CUL3: variants seen among roughly 807,000 people sequenced by gnomAD.
CUL3 encodes the protein cullin-3.
CUL3 carries 19 observed loss-of-function variants against 89.1 expected under a neutral mutation model. That is an observed-to-expected ratio of 0.21 (90% confidence interval 0.15 to 0.31). CUL3 has a LOEUF of 0.31. Among genes scored for constraint, CUL3 ranks in the 10% least tolerant of loss-of-function variants. The probability of loss-of-function intolerance (pLI) is 1.00; values close to 1 mark genes in which losing one functional copy is unlikely to be tolerated. For synonymous variants in CUL3, 351 were observed against 308.4 expected, an observed-to-expected ratio of 1.14 and a Z score of -1.45; for missense variants, 469 against 942.3, an observed-to-expected ratio of 0.50 and a Z score of 6.58.
intron 2 of CUL3, among the ~76,000 whole-genome samples, chr2:224,539,350 G>A (rs765104875): frequency 2.8e-4 from 42 of 152,202 alleles, no homozygotes; most frequent in Non-Finnish European, 4.8e-4. Flanking sequence ...TACACTGCCA[G>A]TGGGAATGTA....
rs1365715412 is a variant in CUL3 at position 224,513,556 on chromosome 2, G to T, written c.622C>A (p.Pro208Thr). Reference protein sequence around the residue: ...RSVYEEDFEAPFLEMSAEFFQ... With the variant: ...RSVYEEDFEATFLEMSAEFFQ... ...AATTCTGCAGACATTTCCAAAAAAG[G>T]AGCCTCAAAATCTTCTTCATAGACT... The change falls in exon 5 of 16, where the codon CCT becomes ACT. Residue 208 changes from proline to threonine, a missense_variant. Pro to Thr is a conservative substitution (Grantham distance 38). Transcript: ENST00000264414. 4.4e-6 allele frequency: 7 copies of T among 1,596,840 alleles called. No individual in the cohort carries two copies. Among genetic ancestry groups the T allele is most frequent in the Non-Finnish European group, 6.0e-6 (7 of 1,175,142 alleles).
chr2:224,557,007 C>T (rs994162266), intron 2 of CUL3, among the ~76,000 whole-genome samples: 4 of 151,968 alleles, frequency 2.6e-5, no homozygotes, highest in Non-Finnish European at 5.9e-5. Flanking sequence ...AAGTTTTTAT[C>T]AGTCTGTGTG....
intron 3 of CUL3, among the ~76,000 whole-genome samples, chr2:224,523,883 A>G (rs1198342781): frequency 6.6e-6 from 1 of 152,120 alleles, no homozygotes; most frequent in Non-Finnish European, 1.5e-5. Context: ...GAGAAGGTAG[A>G]ATGGTAGCTG....
Position 224,560,012 on chromosome 2 carries a change from G to A in CUL3, c.67-2156C>T, listed in dbSNP as rs946796851. ...GCGGGAGGATCGCTTGAGCCCGGGA[G>A]GTCGAGGCTGCAGTGAGTGGAGACT... On this transcript the variant is annotated intron_variant, in intron 1 of 15. Transcript: ENST00000264414. Among the ~76,000 whole-genome samples, 6 of 152,286 alleles carry A rather than the reference G, an allele frequency of 3.9e-5. No homozygotes were observed. In the East Asian group the frequency reaches 9.6e-4, roughly 24 times the overall value.
rs146733397 is a variant in CUL3 at position 224,529,906 on chromosome 2, T to G, written c.378+5622A>C. On this transcript the variant is annotated intron_variant, in intron 3 of 15. Coordinates refer to ENST00000264414, the MANE Select transcript of CUL3 (RefSeq NM_003590.5). The stretch of plus-strand genomic sequence containing the variant: ...AGAGGCAGTGTGTCCCATAGTTTAA[T>G]GCATAACATTTTAGACACAGACACC... Among the ~76,000 whole-genome samples the G allele has an allele frequency of 1.7e-3, 261 of 152,306 alleles. 1 individual carries two copies. The highest frequency in any genetic ancestry group is 6.1e-3 in the African/African-American group (255 of 41,568).
At chr2:224,523,584 G>A (rs760136914) in intron 3 of CUL3, among the ~76,000 whole-genome samples, 4 of 152,166 alleles carry the variant, frequency 2.6e-5, no homozygotes, top group Non-Finnish European at 5.9e-5. Flanking sequence ...CAAAAGAAAT[G>A]AAAGCACATC....
chr2:224,545,407 A>C (rs879099267), intron 2 of CUL3, among the ~76,000 whole-genome samples: 1 of 152,190 alleles, frequency 6.6e-6, no homozygotes, highest in Admixed American at 6.5e-5. Flanking sequence ...CTCATTAAGT[A>C]ATTTTCTAAC....
chr2:224,481,860 T>C (rs754287382), intron 14 of CUL3, 32 bp downstream of exon 14: 1 of 1,396,592 alleles, frequency 7.2e-7, no homozygotes, highest in Admixed American at 2.8e-5. Context: ...AAATATATAA[T>C]TTTTTGAGAG....
chr2:224,547,388 T>C (rs1694344881), intron 2 of CUL3, among the ~76,000 whole-genome samples: 1 of 152,186 alleles, frequency 6.6e-6, no homozygotes, highest in Admixed American at 6.5e-5. Flanking sequence ...GCCATTTTTC[T>C]CATTCAACTT....
chr2:224,584,769 C>G (rs1289383118), intron 1 of CUL3, among the ~76,000 whole-genome samples, 175 bp downstream of exon 1: 1 of 146,248 alleles, frequency 6.8e-6, no homozygotes, highest in Non-Finnish European at 1.5e-5. Context: ...GGAGGGCGGC[C>G]GCGCCGGGGC....
Position 224,575,311 on chromosome 2 carries a change from A to C in CUL3, c.66+9633T>G, listed in dbSNP as rs77329592. On this transcript the variant is annotated intron_variant, in intron 1 of 15. Coordinates refer to ENST00000264414, the MANE Select transcript of CUL3 (RefSeq NM_003590.5). ...GACATAAAGGAAACTGCTCAGAGGC[A>C]CTGAGAGTCCAGCTAAATTAGAGAC... Among the ~76,000 whole-genome samples, 1,304 of 152,348 alleles carry C rather than the reference A, an allele frequency of 8.6e-3. 18 individuals carry two copies. The highest frequency in any genetic ancestry group is 0.027 in the African/African-American group (1,124 of 41,574).
intron 5 of CUL3, 121 bp from the exon 6 acceptor site, chr2:224,511,703 T>C (rs1692833096): frequency 3.5e-6 from 2 of 575,016 alleles, no homozygotes; most frequent in Admixed American, 3.5e-5. Context: ...TATTAGCATT[T>C]TGTGTAATTT....
chr2:224,470,302 A>T lies in CUL3; in HGVS notation c.*3943T>A, dbSNP rs1354328377. On this transcript the variant is annotated 3_prime_UTR_variant, in exon 16 of 16. Coordinates refer to ENST00000264414, the MANE Select transcript of CUL3 (RefSeq NM_003590.5). Reference sequence around the variant, plus strand: ...CGTTTACTTTGAGCTGCTCATGTATAATTTTAAAGCTATTTTTGCATGGCT... The same window carrying T: ...CGTTTACTTTGAGCTGCTCATGTATTATTTTAAAGCTATTTTTGCATGGCT... 1 of 225,988 alleles carries T rather than the reference A, an allele frequency of 4.4e-6. No homozygotes were observed. Among genetic ancestry groups the T allele is most frequent in the Non-Finnish European group, 8.8e-6 (1 of 113,670 alleles). The allele number at this position is 225,988 out of a possible 1,614,324, so 14.0% of individuals were successfully genotyped here.
At chr2:224,507,436 G>C (rs535269483) in intron 6 of CUL3, among the ~76,000 whole-genome samples, 2 of 152,124 alleles carry the variant, frequency 1.3e-5, no homozygotes, top group African/African-American at 2.4e-5. Flanking sequence ...GGTAGTCCCT[G>C]TAATGAGGAA....
intron 2 of CUL3, among the ~76,000 whole-genome samples, chr2:224,543,116 G>T (rs1035267430): frequency 3.9e-5 from 6 of 152,120 alleles, no homozygotes; most frequent in African/African-American, 1.4e-4. Flanking sequence ...GTAAAACAAA[G>T]AAATCATCAG....
intron 1 of CUL3, among the ~76,000 whole-genome samples, chr2:224,568,196 G>A (rs1695092312): frequency 6.6e-6 from 1 of 152,088 alleles, no homozygotes; most frequent in South Asian, 2.1e-4. Flanking sequence ...CTCCTTCTCA[G>A]TTCTTCCGTG....
intron 2 of CUL3, among the ~76,000 whole-genome samples, chr2:224,541,132 A>T (rs111243147): frequency 3.4e-4 from 52 of 152,246 alleles, no homozygotes; most frequent in Middle Eastern, 3.4e-3. Context: ...GAAATTAAAA[A>T]CTTTTGTTCT....
chr2:224,516,641 C>T (rs1229210383), intron 3 of CUL3, among the ~76,000 whole-genome samples: 2 of 149,798 alleles, frequency 1.3e-5, no homozygotes, highest in African/African-American at 4.9e-5. Context: ...ATGGCTAACA[C>T]TGTTTTTTGT....
chr2:224,520,480 C>T (rs190624437), intron 3 of CUL3, among the ~76,000 whole-genome samples: 8 of 152,344 alleles, frequency 5.3e-5, no homozygotes, highest in Admixed American at 3.3e-4. Context: ...TGCTATTCCA[C>T]TCATTTCCAC....
Sources: gnomAD v4.1 joint callset for allele counts (sites outside exome capture counted in the v4.1 genomes callset) on GRCh38, gnomAD v4.1.1 for gene constraint, MANE v1.5 for transcripts, NCBI Gene and HGNC (gene_info 2026-07-23, HGNC 2026-07-21) for gene names.